The following CDKAL1 variants were observed in gnomAD, a reference collection of about 807,000 sequenced individuals.
The protein encoded by CDKAL1 is threonylcarbamoyladenosine tRNA methylthiotransferase.
In CDKAL1, 32 loss-of-function variants were observed where a neutral mutation model predicts 68.2. That is an observed-to-expected ratio of 0.47 (90% confidence interval 0.35 to 0.63). The LOEUF (loss-of-function observed/expected upper bound fraction) is 0.63, where lower values mean the gene tolerates loss of function less well. CDKAL1 is among the 30% of genes least tolerant of loss of function. The probability of loss-of-function intolerance (pLI) is 0.00; values close to 1 mark genes in which losing one functional copy is unlikely to be tolerated. For missense variants in CDKAL1, 606 were observed against 696.7 expected (o/e 0.87, Z 1.47); for synonymous variants, 234 against 244.3 (o/e 0.96, Z 0.39).
intron 11 of CDKAL1, among the ~76,000 whole-genome samples, chr6:21,032,555 TAAC>T (rs1769353908): frequency 6.6e-6 from 1 of 152,218 alleles, no homozygotes; most frequent in Non-Finnish European, 1.5e-5. Context: ...ATGTGCTACA[TAAC>T]AATATTTCAG....
intron 7 of CDKAL1, among the ~76,000 whole-genome samples, chr6:20,771,853 C>T (rs1415629433): frequency 6.6e-6 from 1 of 152,148 alleles, no homozygotes; most frequent in Non-Finnish European, 1.5e-5. Context: ...CTTCCTGAGG[C>T]CTTACTAGAA....
chr6:20,706,529 C>G (rs970872019), intron 5 of CDKAL1, among the ~76,000 whole-genome samples: 1 of 152,154 alleles, frequency 6.6e-6, no homozygotes, highest in Non-Finnish European at 1.5e-5. Context: ...AGATTTATAA[C>G]ATTTTACTTT....
chr6:20,859,027 A>G (rs1391028967), intron 9 of CDKAL1, among the ~76,000 whole-genome samples: 1 of 152,024 alleles, frequency 6.6e-6, no homozygotes, highest in Admixed American at 6.6e-5. Flanking sequence ...CATATTATCC[A>G]TTTTTTAGTA....
At chr6:21,156,607 G>C (rs1776657869) in intron 13 of CDKAL1, among the ~76,000 whole-genome samples, 1 of 151,946 alleles carries the variant, frequency 6.6e-6, no homozygotes, top group African/African-American at 2.4e-5. Flanking sequence ...GTTTTCCAGT[G>C]CCATTTTGTG....
chr6:21,131,759 T>G (rs896132551), intron 13 of CDKAL1, among the ~76,000 whole-genome samples: 4 of 152,212 alleles, frequency 2.6e-5, no homozygotes, highest in African/African-American at 9.6e-5. Context: ...TTGAAGTAGT[T>G]TCAGGGGAGA....
chr6:20,642,738 C>T (rs960005545), intron 4 of CDKAL1, among the ~76,000 whole-genome samples: 2 of 152,178 alleles, frequency 1.3e-5, no homozygotes, highest in Non-Finnish European at 2.9e-5. Context: ...AATTTATCCT[C>T]TGACCCCACA....
chr6:20,632,806 T>A (rs1264698021), intron 4 of CDKAL1, among the ~76,000 whole-genome samples: 1 of 152,224 alleles, frequency 6.6e-6, no homozygotes, highest in South Asian at 2.1e-4. Context: ...ACTATTTATT[T>A]TTGAATCGTT....
At chr6:21,187,255 A>G (rs573732892) in intron 13 of CDKAL1, among the ~76,000 whole-genome samples, 1 of 152,302 alleles carries the variant, frequency 6.6e-6, no homozygotes, top group Admixed American at 6.5e-5. Flanking sequence ...TCCATTTTTA[A>G]CATTATAGAT....
rs1272281475 is a variant in CDKAL1 at position 20,850,381 on chromosome 6, T to TTTCCA, written c.742+4204_742+4208dup. 2.0e-5 allele frequency among the ~76,000 whole-genome samples: 3 copies of TTTCCA among 152,140 alleles called. No homozygotes were observed. The East Asian group carries it at 5.8e-4, about 29-fold the overall frequency. On this transcript the variant is annotated intron_variant, in intron 9 of 15. Coordinates refer to ENST00000274695, the MANE Select transcript of CDKAL1 (RefSeq NM_017774.3). ...TGTGGAATGAGGATTAGAACCCAGG[T>TTTCCA]TTCCAGTCATATGATAGAATATACA...
intron 8 of CDKAL1, among the ~76,000 whole-genome samples, chr6:20,816,745 C>T (rs1002794639): frequency 6.6e-6 from 1 of 151,878 alleles, no homozygotes; most frequent in Non-Finnish European, 1.5e-5. Flanking sequence ...TGGTATATAA[C>T]AAGACATTCC....
intron 9 of CDKAL1, among the ~76,000 whole-genome samples, chr6:20,918,331 A>G (rs1762807743): frequency 6.6e-6 from 1 of 152,246 alleles, no homozygotes; most frequent in Non-Finnish European, 1.5e-5. Flanking sequence ...GCCCAAATGG[A>G]CTACAGCAAT....
chr6:21,149,473 A>G (rs1420341161), intron 13 of CDKAL1, among the ~76,000 whole-genome samples: 1 of 152,130 alleles, frequency 6.6e-6, no homozygotes, highest in Non-Finnish European at 1.5e-5. Context: ...ATGATGATTT[A>G]TGTAATAAAA....
intron 12 of CDKAL1, among the ~76,000 whole-genome samples, chr6:21,091,706 GCAGTCACA>G (rs1429672103): frequency 6.6e-6 from 1 of 152,040 alleles, no homozygotes; most frequent in Non-Finnish European, 1.5e-5. Flanking sequence ...TAGAATGCTG[GCAGTCACA>G]CACGCCTTTC....
intron 9 of CDKAL1, among the ~76,000 whole-genome samples, chr6:20,855,225 C>T (rs1581705185): frequency 1.3e-5 from 2 of 151,802 alleles, no homozygotes; most frequent in South Asian, 4.1e-4. Context: ...GGTGGATCAC[C>T]TGGGGTCAGG....
chr6:20,626,100 A>G (rs192752177), intron 4 of CDKAL1, among the ~76,000 whole-genome samples: 233 of 152,126 alleles, frequency 1.5e-3, no homozygotes, highest in African/African-American at 5.3e-3. Context: ...TTCTAAGTTC[A>G]CTTTTGTTAC....
chr6:20,578,071 T>C (rs952255190), intron 4 of CDKAL1, among the ~76,000 whole-genome samples: 7 of 152,242 alleles, frequency 4.6e-5, no homozygotes, highest in Admixed American at 1.3e-4. Flanking sequence ...ATATTTCTTA[T>C]GCAGTTATTG....
At chr6:20,974,015 A>C (rs1010763511) in intron 10 of CDKAL1, among the ~76,000 whole-genome samples, 2 of 152,228 alleles carry the variant, frequency 1.3e-5, no homozygotes, top group South Asian at 2.1e-4. Flanking sequence ...ATTAGGGAAA[A>C]CGTGAAGAGG....
intron 8 of CDKAL1, among the ~76,000 whole-genome samples, chr6:20,827,076 T>C (rs1437509500): frequency 6.6e-6 from 1 of 152,164 alleles, no homozygotes; most frequent in Non-Finnish European, 1.5e-5. Flanking sequence ...TTTATGTTAT[T>C]ATTAAAGAGC....
chr6:20,838,771 G>A (rs1162459272), intron 8 of CDKAL1, among the ~76,000 whole-genome samples: 3 of 152,186 alleles, frequency 2.0e-5, no homozygotes, highest in Admixed American at 1.3e-4. Flanking sequence ...TCAGGAGATC[G>A]AGACCATCCT....
Sources: allele counts gnomAD v4.1 joint callset (sites outside exome capture counted in the v4.1 genomes callset), GRCh38; gene constraint gnomAD v4.1.1; transcripts MANE v1.5; gene names NCBI Gene and HGNC (gene_info 2026-07-23, HGNC 2026-07-21).